TRPM2: variants seen among roughly 807,000 people sequenced by gnomAD.
The protein encoded by TRPM2 is transient receptor potential cation channel subfamily M member 2.
In TRPM2, 161 loss-of-function variants were observed where a neutral mutation model predicts 174.0. That is an observed-to-expected ratio of 0.93 (90% CI 0.81 to 1.05). The LOEUF is 1.05. TRPM2 is among the 50% of genes least tolerant of loss of function. The pLI is 0.00. For synonymous variants in TRPM2, 954 were observed against 861.3 expected (o/e 1.11, Z -1.88); for missense variants, 2,057 against 2,038.0 (o/e 1.01, Z -0.18).
intron 27 of TRPM2, among the ~76,000 whole-genome samples, chr21:44,434,613 A>G (rs988644222): frequency 6.6e-6 from 1 of 152,100 alleles, no homozygotes; most frequent in Non-Finnish European, 1.5e-5. Flanking sequence ...GCCTGGCCCC[A>G]TGGGAAGCGT....
chr21:44,400,932 C>T lies in TRPM2; in HGVS notation c.2321+561C>T, dbSNP rs556561181. Reference sequence around the variant, plus strand: ...TTTTACTGAGGGCTGGATGGAGGCTCAGGGTCTCCTGGGAGTCAGGGCAGA... The same window carrying T: ...TTTTACTGAGGGCTGGATGGAGGCTTAGGGTCTCCTGGGAGTCAGGGCAGA... On this transcript the variant is annotated intron_variant, in intron 15 of 31. Coordinates refer to ENST00000397928, the MANE Select transcript of TRPM2 (RefSeq NM_003307.4). Among the ~76,000 whole-genome samples the T allele has an allele frequency of 7.2e-5, 11 of 152,276 alleles. No individual in the cohort carries two copies. The East Asian group carries it at 2.1e-3, about 29-fold the overall frequency.
intron 16 of TRPM2, among the ~76,000 whole-genome samples, chr21:44,404,154 CACAT>C (rs1215466229): frequency 8.6e-5 from 13 of 151,958 alleles, no homozygotes; most frequent in Admixed American, 2.0e-4. Flanking sequence ...CACATACAGA[CACAT>C]ACACATATAT....
Position 44,441,747 on chromosome 21 carries a change from G to A in TRPM2, c.4442G>A (p.Arg1481His), listed in dbSNP as rs779734671. Residue 1481 changes from arginine (R) to histidine (H), a missense_variant, in exon 32 of 32, where the codon CGC becomes CAC. Coordinates refer to ENST00000397928, the MANE Select transcript of TRPM2 (RefSeq NM_003307.4). ...ATCCGATGGCAGGTGGTGGACAGGC[G>A]CATCCCACTCTATGCGAACCACAAG... ...ASIRWQVVDR[R>H]IPLYANHKTL... 24 of 1,611,866 alleles carry A rather than the reference G, an allele frequency of 1.5e-5. 1 individual carries two copies. The highest frequency in any genetic ancestry group is 6.7e-5 in the East Asian group (3 of 44,842).
chr21:44,422,162 C>A (rs1601225055), intron 22 of TRPM2: 1 of 1,308,688 alleles, frequency 7.6e-7, no homozygotes, highest in Non-Finnish European at 1.0e-6. Flanking sequence ...TGGTCACCGT[C>A]CCCTCCTCCA....
At chr21:44,405,098 G>A (rs758378370) in intron 16 of TRPM2, 44 bp from the exon 17 acceptor site, 3 of 1,608,218 alleles carry the variant, frequency 1.9e-6, no homozygotes, top group South Asian at 2.2e-5. Context: ...AGGATAGTAA[G>A]AGTGACAACC....
At chr21:44,424,760 T>C in intron 23 of TRPM2, 92 bp from the exon 24 acceptor site, 1 of 780,738 alleles carries the variant, frequency 1.3e-6, no homozygotes, top group Non-Finnish European at 1.9e-6. Flanking sequence ...GTGGGGCTCC[T>C]GGCTGGGGGA....
intron 16 of TRPM2, among the ~76,000 whole-genome samples, chr21:44,403,458 A>G (rs898280672): frequency 1.3e-5 from 2 of 152,018 alleles, no homozygotes; most frequent in Non-Finnish European, 1.5e-5. Context: ...CGCTGCTCCA[A>G]CACACACACA....
intron 5 of TRPM2, among the ~76,000 whole-genome samples, chr21:44,375,387 T>C (rs1311548308): frequency 2.0e-5 from 3 of 152,228 alleles, no homozygotes; most frequent in Admixed American, 6.5e-5. Context: ...CAGACCTGTA[T>C]CCGTTTCCTG....
chr21:44,351,559 C>T (rs1402404368), upstream of TRPM2, among the ~76,000 whole-genome samples: 1 of 152,194 alleles, frequency 6.6e-6, no homozygotes, highest in East Asian at 1.9e-4. Flanking sequence ...CCAGGGTGGC[C>T]CAAGCTGTTC....
chr21:44,374,300 C>T (rs556151963), intron 5 of TRPM2, among the ~76,000 whole-genome samples: 105 of 152,238 alleles, frequency 6.9e-4, no homozygotes, highest in South Asian at 6.2e-4. Flanking sequence ...CGTGAGCCAC[C>T]GTGCCTGGCC....
At chr21:44,435,972 C>A (rs1387279495) in intron 28 of TRPM2, among the ~76,000 whole-genome samples, 2 of 151,206 alleles carry the variant, frequency 1.3e-5, no homozygotes, top group African/African-American at 4.9e-5. Flanking sequence ...CTCTCTACTC[C>A]CATCCACAGG....
intron 9 of TRPM2, among the ~76,000 whole-genome samples, chr21:44,386,074 C>T (rs928864563): frequency 2.0e-5 from 3 of 152,126 alleles, no homozygotes; most frequent in Non-Finnish European, 4.4e-5. Context: ...TAGCAGGACA[C>T]AAAATCAATA....
chr21:44,435,634 C>T (rs1438928452), intron 28 of TRPM2, among the ~76,000 whole-genome samples: 4 of 147,808 alleles, frequency 2.7e-5, no homozygotes, highest in Non-Finnish European at 6.0e-5. Flanking sequence ...GTCCCACACT[C>T]ACCCCTCAGA....
Position 44,417,998 on chromosome 21 carries a change from A to G in TRPM2, c.3218A>G (p.Glu1073Gly), listed in dbSNP as rs768885581. 1 of 1,613,054 alleles carries G rather than the reference A, an allele frequency of 6.2e-7. No individual in the cohort carries two copies. The highest frequency in any genetic ancestry group is 1.7e-5 in the Admixed American group (1 of 60,022). ...WKFQRHDLIEEYHGRPAAPPP... is the reference protein window; with the variant it reads ...WKFQRHDLIEGYHGRPAAPPP... ...TTCCAGCGCCATGACCTGATCGAGG[A>G]GTACCACGGCCGCCCCGCCGCGCCG... Residue 1073 changes from glutamate (E) to glycine (G), a missense_variant, in exon 21 of 32, where the codon GAG (glutamate) becomes GGG (glycine). Transcript: ENST00000397928.
intron 5 of TRPM2, among the ~76,000 whole-genome samples, chr21:44,373,620 CTG>C: frequency 8.0e-6 from 1 of 125,488 alleles, no homozygotes; most frequent in South Asian, 2.4e-4. Flanking sequence ...TATATGCGAC[CTG>C]CATTATATGC....
chr21:44,386,214 T>C (rs567560517), intron 9 of TRPM2, among the ~76,000 whole-genome samples: 1 of 152,178 alleles, frequency 6.6e-6, no homozygotes, highest in African/African-American at 2.4e-5. Flanking sequence ...TGAAACCCCG[T>C]CTCTACTAAA....
Position 44,354,825 on chromosome 21 carries a change from C to T in TRPM2, c.254+89C>T. 2 of 1,174,956 alleles carry T rather than the reference C, an allele frequency of 1.7e-6. No individual in the cohort carries two copies. The highest frequency in any genetic ancestry group is 2.6e-6 in the Non-Finnish European group (2 of 782,446). The allele number at this position is 1,174,956 out of a possible 1,614,324, so 72.8% of individuals were successfully genotyped here. On this transcript the variant is annotated intron_variant, in intron 2 of 31. Coordinates refer to ENST00000397928, the MANE Select transcript of TRPM2 (RefSeq NM_003307.4). The surrounding 1 kb of genome is among the most constrained non-coding windows in gnomAD (Gnocchi z 4.3). ...TGATCAGGCCAAGACCCCTCAGGGC[C>T]TCAGTGAAGGGTCACTGGAGATACC... is the stretch of plus-strand genomic sequence containing the variant.
At chr21:44,355,529 C>T (rs2048035662) in intron 2 of TRPM2, among the ~76,000 whole-genome samples, 1 of 152,222 alleles carries the variant, frequency 6.6e-6, no homozygotes, top group South Asian at 2.1e-4. Context: ...ACAACCTCTA[C>T]CAGGAAGTGA....
chr21:44,381,947 TA>T (rs1303368789), intron 8 of TRPM2, among the ~76,000 whole-genome samples: 2 of 102,622 alleles, frequency 1.9e-5, no homozygotes, highest in African/African-American at 6.7e-5. Context: ...ATATGATAGA[TA>T]GATGGATAGA....
Sources: gnomAD v4.1 joint callset for allele counts (sites outside exome capture counted in the v4.1 genomes callset) on GRCh38, gnomAD v4.1.1 for gene constraint, Gnocchi (gnomAD v3.1) non-coding constraint, MANE v1.5 for transcripts, NCBI Gene and HGNC (gene_info 2026-07-23, HGNC 2026-07-21) for gene names.